The following UNC13C variants were observed in gnomAD, a reference collection of about 807,000 sequenced individuals.
The protein encoded by UNC13C is protein unc-13 homolog C.
UNC13C carries 174 observed loss-of-function variants against 245.4 expected under a neutral mutation model. The observed-to-expected ratio is 0.71, with a 90% confidence interval of 0.63 to 0.80. The LOEUF is 0.80. Among genes scored for constraint, UNC13C ranks in the 30% least tolerant of loss-of-function variants. The probability of loss-of-function intolerance (pLI) is 0.00; values close to 1 mark genes in which losing one functional copy is unlikely to be tolerated. For missense variants in UNC13C, 2,829 were observed against 2,602.9 expected, an observed-to-expected ratio of 1.09 and a Z score of -1.89; for synonymous variants, 992 against 895.1, an observed-to-expected ratio of 1.11 and a Z score of -1.93.
At chr15:54,414,104 C>G (rs2040470306) in intron 18 of UNC13C, among the ~76,000 whole-genome samples, 2 of 152,118 alleles carry the variant, frequency 1.3e-5, no homozygotes, top group Non-Finnish European at 2.9e-5. Flanking sequence ...TAGTCTAAAA[C>G]ACAGACCTGC....
the UNC13C span, among the ~76,000 whole-genome samples, chr15:53,844,162 A>G: frequency 1.3e-5 from 2 of 152,198 alleles, no homozygotes; most frequent in African/African-American, 4.8e-5. Flanking sequence ...AGAGAAAAGA[A>G]GGAAAAAGTG....
At position 54,245,944 on chromosome 15, in the gene UNC13C, A is replaced by C. The variant is rs1353921300; in HGVS notation, c.3229-4281A>C. On this transcript the variant is annotated intron_variant, in intron 7 of 32. Transcript: ENST00000260323. ...AACTTCATAGGTTAGTCACTGGTTA[A>C]AACAGAAAGGAAAAAGGAGAGAAAC... 2.6e-5 allele frequency among the ~76,000 whole-genome samples: 4 copies of C among 152,266 alleles called. No individual in the cohort carries two copies. The East Asian group carries it at 7.7e-4, about 29-fold the overall frequency.
intron 13 of UNC13C, among the ~76,000 whole-genome samples, chr15:54,312,441 T>C (rs1415224039): frequency 6.6e-6 from 1 of 151,810 alleles, no homozygotes; most frequent in East Asian, 1.9e-4. Context: ...TTTTAGCTTC[T>C]ATTGGTGAGT....
At chr15:54,309,233 A>ATCTGATG (rs2037806404) in intron 13 of UNC13C, among the ~76,000 whole-genome samples, 1 of 151,568 alleles carries the variant, frequency 6.6e-6, no homozygotes, top group Non-Finnish European at 1.5e-5. Flanking sequence ...TCGTGGTTTT[A>ATCTGATG]ATTTGCATTT....
At chr15:54,395,524 T>G (rs928264458) in intron 18 of UNC13C, among the ~76,000 whole-genome samples, 5 of 151,868 alleles carry the variant, frequency 3.3e-5, no homozygotes, top group African/African-American at 4.8e-5. Context: ...TTATTGTGTC[T>G]TATGGTCACT....
chr15:54,451,151 A>C (rs1891153321), intron 19 of UNC13C, among the ~76,000 whole-genome samples: 1 of 151,918 alleles, frequency 6.6e-6, no homozygotes, highest in Non-Finnish European at 1.5e-5. Context: ...GAAAATTCAT[A>C]TATTTAGTCA....
At chr15:54,346,078 A>G (rs1476656157) in intron 17 of UNC13C, among the ~76,000 whole-genome samples, 3 of 152,062 alleles carry the variant, frequency 2.0e-5, no homozygotes, top group Non-Finnish European at 4.4e-5. Context: ...CCACCACTGC[A>G]CTTATCACGG....
chr15:54,027,438 G>A (rs537523469), intron 2 of UNC13C, among the ~76,000 whole-genome samples: 25 of 152,168 alleles, frequency 1.6e-4, no homozygotes, highest in African/African-American at 5.3e-4. Flanking sequence ...GCAGGATCTC[G>A]GCTCACTGCA....
chr15:54,616,074 A>T (rs185375780), intron 30 of UNC13C, among the ~76,000 whole-genome samples: 8 of 152,194 alleles, frequency 5.3e-5, no homozygotes, highest in Admixed American at 3.9e-4. Flanking sequence ...GGCAATTCTA[A>T]AAGATAATTA....
At chr15:53,864,273 G>GT in the UNC13C span, among the ~76,000 whole-genome samples, 2 of 152,140 alleles carry the variant, frequency 1.3e-5, no homozygotes, top group African/African-American at 4.8e-5. Flanking sequence ...TATTACTGAG[G>GT]TTGGTGTGAT....
At chr15:54,591,451 C>T (rs576582149) in intron 30 of UNC13C, among the ~76,000 whole-genome samples, 1 of 152,154 alleles carries the variant, frequency 6.6e-6, no homozygotes, top group Admixed American at 6.5e-5. Flanking sequence ...TTCTAATTAT[C>T]ATTTCAATCT....
At chr15:54,124,534 C>A (rs1420502174) in intron 2 of UNC13C, among the ~76,000 whole-genome samples, 1 of 151,996 alleles carries the variant, frequency 6.6e-6, no homozygotes, top group African/African-American at 2.4e-5. Flanking sequence ...AGAAACTAGT[C>A]CTTTGGTGGA....
chr15:54,083,000 C>A (rs1235142386), intron 2 of UNC13C, among the ~76,000 whole-genome samples: 2 of 152,088 alleles, frequency 1.3e-5, no homozygotes, highest in Non-Finnish European at 2.9e-5. Flanking sequence ...AGCAGTAAGA[C>A]CCTCCGGAAG....
In UNC13C at chr15:54,190,824, C is replaced by T. The variant is rs1226061237; in HGVS notation, c.3072-44206C>T. ...CATTTACACTTATTGATATAACAGG[C>T]CTAGTTCTATCATTTTTGTTTGTTC... On this transcript the variant is annotated intron_variant, in intron 4 of 32. Transcript: ENST00000260323. Among the ~76,000 whole-genome samples the T allele has an allele frequency of 2.0e-5, 3 of 151,912 alleles. No homozygotes were observed. The East Asian group carries it at 5.8e-4, about 29-fold the overall frequency.
At chr15:54,595,823 G>A (rs578226625) in intron 30 of UNC13C, among the ~76,000 whole-genome samples, 7 of 152,228 alleles carry the variant, frequency 4.6e-5, no homozygotes, top group Admixed American at 3.3e-4. Flanking sequence ...GGACAGATTC[G>A]ATTTTCCAAT....
At chr15:54,234,432 G>T (rs1473889247) in intron 4 of UNC13C, among the ~76,000 whole-genome samples, 3 of 151,694 alleles carry the variant, frequency 2.0e-5, no homozygotes, top group Admixed American at 6.6e-5. Flanking sequence ...AGCTTTTATT[G>T]CTATTATTTA....
At chr15:54,055,651 T>C (rs1392144524) in intron 2 of UNC13C, among the ~76,000 whole-genome samples, 2 of 152,204 alleles carry the variant, frequency 1.3e-5, no homozygotes, top group African/African-American at 4.8e-5. Flanking sequence ...GGTTGTTTCA[T>C]AGAACTAATT....
At chr15:54,283,200 A>T (rs2037045103) in intron 10 of UNC13C, among the ~76,000 whole-genome samples, 1 of 152,102 alleles carries the variant, frequency 6.6e-6, no homozygotes, top group African/African-American at 2.4e-5. Flanking sequence ...CTGCTACACA[A>T]CCCTATCTGC....
intron 30 of UNC13C, among the ~76,000 whole-genome samples, chr15:54,610,875 T>C (rs1192749479): frequency 2.0e-5 from 3 of 152,240 alleles, no homozygotes; most frequent in Non-Finnish European, 1.5e-5. Flanking sequence ...TGTGTTTCAA[T>C]GACCAGTTTT....
Sources: gnomAD v4.1 joint callset for allele counts (sites outside exome capture counted in the v4.1 genomes callset) on GRCh38, gnomAD v4.1.1 for gene constraint, MANE v1.5 for transcripts, NCBI Gene and HGNC (gene_info 2026-07-23, HGNC 2026-07-21) for gene names.